The following ZNF652 variants were observed in gnomAD, a reference collection of about 807,000 sequenced individuals.
ZNF652 encodes the protein zinc finger protein 652.
ZNF652 carries 16 observed loss-of-function variants against 45.2 expected under a neutral mutation model. The ratio of observed to expected loss-of-function variants is 0.35; its 90% confidence interval spans 0.24 to 0.54. ZNF652 has a LOEUF of 0.54. Ranked by LOEUF, ZNF652 falls within the 20% of genes least tolerant of loss-of-function variation. The probability of loss-of-function intolerance (pLI) is 0.91; values close to 1 mark genes in which losing one functional copy is unlikely to be tolerated. For missense variants in ZNF652, 614 were observed against 765.6 expected (o/e 0.80, Z 2.34); for synonymous variants, 250 against 260.6 (o/e 0.96, Z 0.39).
chr17:49,316,760 T>C, intron 2 of ZNF652, 66 bp downstream of exon 2: 8 of 1,482,118 alleles, frequency 5.4e-6, no homozygotes, highest in Admixed American at 2.1e-5. Context: ...CTTGGGCGGA[T>C]ACCAGATGAA....
chr17:49,342,556 G>A (rs7501587), intron 1 of ZNF652, among the ~76,000 whole-genome samples: 79 of 2,264 alleles, frequency 0.035, no homozygotes, highest in African/African-American at 0.052. Flanking sequence ...ACAGATAAAG[G>A]GGGGGGGGGG....
Position 49,317,927 on chromosome 17 carries a change from A to G in ZNF652, c.-202T>C, listed in dbSNP as rs2069833632. The stretch of plus-strand genomic sequence containing the variant: ...AAAGGTTTGGTATTATGGCAAGAGC[A>G]GAGCACTAGTGATTTTTCTTCTGAA... On this transcript the variant is annotated 5_prime_UTR_variant, in exon 2 of 6. Transcript: ENST00000430262. 2.0e-6 allele frequency: 1 copy of G among 510,984 alleles called. No homozygotes were observed. The highest frequency in any genetic ancestry group is 3.2e-5 in the East Asian group (1 of 31,720). 31.7% of individuals were successfully genotyped at this position (510,984 alleles called of 1,614,324 possible). A position where few individuals can be genotyped will look rare whatever the true frequency, so the allele number is the denominator to read the frequency against.
chr17:49,303,924 A>G (rs1390223088), intron 5 of ZNF652, among the ~76,000 whole-genome samples: 1 of 150,990 alleles, frequency 6.6e-6, no homozygotes, highest in African/African-American at 2.4e-5. Context: ...AGTCTCGCTC[A>G]GTCACCCAGG....
At chr17:49,334,083 A>G (rs2070055752) in intron 1 of ZNF652, among the ~76,000 whole-genome samples, 2 of 152,240 alleles carry the variant, frequency 1.3e-5, no homozygotes, top group Non-Finnish European at 2.9e-5. Context: ...AAATGTTCAC[A>G]GAAGCATTAT....
At chr17:49,310,199 C>T (rs1254088047) in intron 5 of ZNF652, among the ~76,000 whole-genome samples, 2 of 152,156 alleles carry the variant, frequency 1.3e-5, no homozygotes, top group Admixed American at 6.5e-5. Flanking sequence ...GTGACCCACC[C>T]GCCTTGGCCT....
chr17:49,332,769 T>C (rs1390498163), intron 1 of ZNF652, among the ~76,000 whole-genome samples: 3 of 152,228 alleles, frequency 2.0e-5, no homozygotes, highest in Non-Finnish European at 2.9e-5. Flanking sequence ...TGTGAGCTGC[T>C]GCACCCAGCC....
chr17:49,324,976 G>C (rs2069941348), intron 1 of ZNF652, among the ~76,000 whole-genome samples: 1 of 151,828 alleles, frequency 6.6e-6, no homozygotes, highest in Non-Finnish European at 1.5e-5. Context: ...CCTGACCTCA[G>C]GTGGTCCGCC....
Position 49,292,444 on chromosome 17 carries a change from A to T in ZNF652, c.*5969T>A, listed in dbSNP as rs540453477. 2.6e-5 allele frequency among the ~76,000 whole-genome samples: 4 copies of T among 152,352 alleles called. No individual in the cohort carries two copies. In the East Asian group the frequency reaches 7.7e-4, roughly 29 times the overall value. On this transcript the variant is annotated 3_prime_UTR_variant, in exon 6 of 6. Coordinates refer to ENST00000430262, the MANE Select transcript of ZNF652 (RefSeq NM_001145365.3). ...TTAAACAAATTAGATGAAAACAGCT[A>T]GAAAAAGTAAACAGAAGTTTTTGAG...
intron 1 of ZNF652, among the ~76,000 whole-genome samples, chr17:49,320,798 G>A (rs1331047160): frequency 6.6e-6 from 1 of 152,240 alleles, no homozygotes; most frequent in Non-Finnish European, 1.5e-5. Context: ...AGAATAAAGA[G>A]TAATCATTAA....
chr17:49,315,467 A>C (rs1271794953), intron 2 of ZNF652, among the ~76,000 whole-genome samples: 4 of 152,186 alleles, frequency 2.6e-5, no homozygotes, highest in African/African-American at 4.8e-5. Context: ...ACTTAAACAC[A>C]AATTTAAAAG....
At position 49,290,755 on chromosome 17, in the gene ZNF652, G is replaced by A. The variant is rs1392865160; in HGVS notation, c.*7658C>T. 1 of 152,184 alleles carries A rather than the reference G, an allele frequency of 6.6e-6. No individual in the cohort carries two copies. Among genetic ancestry groups the A allele is most frequent in the East Asian group, 1.9e-4 (1 of 5,198 alleles). The allele number at this position is 152,184 out of a possible 1,614,324, so 9.4% of individuals were successfully genotyped here. On this transcript the variant is annotated 3_prime_UTR_variant, in exon 6 of 6. Transcript: ENST00000430262. Reference sequence around the variant, plus strand: ...CATCAATCATTGCTTGGCATCATGAGGGATGAACGACGACTGGACTTTGTA... The same window carrying A: ...CATCAATCATTGCTTGGCATCATGAAGGATGAACGACGACTGGACTTTGTA...
In ZNF652 at chr17:49,292,869, G is replaced by A. The variant is rs2069422156; in HGVS notation, c.*5544C>T. On this transcript the variant is annotated 3_prime_UTR_variant, in exon 6 of 6. Transcript: ENST00000430262. ...AATACGGTCAAAATTCTTGTCCAAG[G>A]TTTTAGCTAGTTTGTAGAGTTAAGC... 6.6e-6 allele frequency among the ~76,000 whole-genome samples: 1 copy of A among 152,134 alleles called. No homozygotes were observed. The highest frequency in any genetic ancestry group is 2.4e-5 in the African/African-American group (1 of 41,428).
In ZNF652 at chr17:49,317,498, T is replaced by C; in HGVS notation, c.228A>G (p.Glu76=). The part of the protein sequence containing the change: ...KMSKPHLHET[E]EQPYFRETRA... ...TTGTCTCCCTGAAATATGGCTGTTC[T>C]TCTGTTTCATGGAGATGCGGTTTGC... Residue 76 remains glutamate (E), a synonymous_variant, in exon 2 of 6, where the codon GAA becomes GAG. Coordinates refer to ENST00000430262, the MANE Select transcript of ZNF652 (RefSeq NM_001145365.3). 1 of 1,614,158 alleles carries C rather than the reference T, an allele frequency of 6.2e-7. No individual in the cohort carries two copies. The highest frequency in any genetic ancestry group is 8.5e-7 in the Non-Finnish European group (1 of 1,180,022).
At chr17:49,344,216 T>A (rs1199649927) in intron 1 of ZNF652, among the ~76,000 whole-genome samples, 1 of 151,110 alleles carries the variant, frequency 6.6e-6, no homozygotes, top group South Asian at 2.1e-4. Flanking sequence ...AAAAAAATAA[T>A]TAGCTAGGTA....
intron 1 of ZNF652, among the ~76,000 whole-genome samples, chr17:49,331,312 G>A (rs34255993): frequency 0.42 from 64,188 of 151,332 alleles, 13,991 homozygotes; most frequent in East Asian, 0.48. Context: ...TAGTAGAGAC[G>A]GGCTTTCACC....
At chr17:49,359,615 A>G (rs746375845) in intron 1 of ZNF652, among the ~76,000 whole-genome samples, 9 of 152,210 alleles carry the variant, frequency 5.9e-5, no homozygotes, top group Non-Finnish European at 4.4e-5. Flanking sequence ...GCTGGAATAA[A>G]TATCTCCTGA....
At chr17:49,345,579 C>T (rs2070196209) in intron 1 of ZNF652, among the ~76,000 whole-genome samples, 1 of 149,892 alleles carries the variant, frequency 6.7e-6, no homozygotes, top group African/African-American at 2.4e-5. Context: ...TGGTGGCTCA[C>T]GCCTGTAATC....
intron 1 of ZNF652, among the ~76,000 whole-genome samples, chr17:49,340,316 G>C (rs1231999674): frequency 6.6e-6 from 1 of 152,016 alleles, no homozygotes; most frequent in Non-Finnish European, 1.5e-5. Context: ...AGCACTTTGG[G>C]AGGCCCAGGC....
rs1258750062 is a variant in ZNF652, at chr17:49,327,751, ATATATATATATATATATATATATATATAT to A, written c.-258-9797_-258-9769del. 3.4e-3 allele frequency among the ~76,000 whole-genome samples: 21 copies of A among 6,130 alleles called. 1 individual carries two copies. Among genetic ancestry groups the A allele is most frequent in the Admixed American group, 7.7e-3 (6 of 782 alleles). The allele number at this position is 6,130 out of a possible 152,430, so 4.0% of individuals were successfully genotyped here. On this transcript the variant is annotated intron_variant, in intron 1 of 5. Transcript: ENST00000430262. ...AATAAATATATATATATATATATAT[ATATATATATATATATATATATATATATAT>A]TTTTTTTTTTTTTTTTTAGTAGAGA...
Sources: allele counts gnomAD v4.1 joint callset (sites outside exome capture counted in the v4.1 genomes callset), GRCh38; gene constraint gnomAD v4.1.1; transcripts MANE v1.5; gene names NCBI Gene and HGNC (gene_info 2026-07-23, HGNC 2026-07-21).